Variants in CLOCK observed in about 807,000 individuals in gnomAD.
The protein encoded by CLOCK is circadian locomoter output cycles protein kaput.
A neutral mutation model predicts 118.4 loss-of-function variants in CLOCK; 43 were observed. That is an observed-to-expected ratio of 0.36 (90% CI 0.28 to 0.47). CLOCK has a LOEUF of 0.47. CLOCK is among the 20% of genes least tolerant of loss of function. The pLI, the probability that CLOCK is intolerant of heterozygous loss-of-function variation, is 1.00. For synonymous variants in CLOCK, 326 were observed against 339.2 expected (o/e 0.96, Z 0.43); for missense variants, 846 against 999.9 (o/e 0.85, Z 2.08).
chr4:55,530,971 T>C (rs1345896531), intron 1 of CLOCK, among the ~76,000 whole-genome samples: 1 of 151,626 alleles, frequency 6.6e-6, no homozygotes, highest in African/African-American at 2.4e-5. Context: ...GAGTGATATC[T>C]CCAGGAAAAG....
In CLOCK at chr4:55,538,255, C is replaced by T. The variant is rs367560284; in HGVS notation, c.-290+8527G>A. 2.0e-4 allele frequency among the ~76,000 whole-genome samples: 31 copies of T among 152,116 alleles called. No homozygotes were observed. The East Asian group carries it at 3.7e-3, about 18-fold the overall frequency. Reference sequence around the variant, plus strand: ...AAAACTTATCAGGCATGTGAAGAGACGGAACAATACAACCATATGACCAAT... The same window carrying T: ...AAAACTTATCAGGCATGTGAAGAGATGGAACAATACAACCATATGACCAAT... On this transcript the variant is annotated intron_variant, in intron 1 of 22. Coordinates refer to ENST00000513440, the MANE Select transcript of CLOCK (RefSeq NM_004898.4).
In CLOCK at chr4:55,430,759, T is replaced by C. The variant is rs1345104164; in HGVS notation, c.*4656A>G. On this transcript the variant is annotated 3_prime_UTR_variant, in exon 23 of 23. Coordinates refer to ENST00000513440, the MANE Select transcript of CLOCK (RefSeq NM_004898.4). ...CTAGCAATCACTTTTAGATTAGTTC[T>C]GTACATCTACTCACACGGATGCAAT... 3.9e-5 allele frequency: 6 copies of C among 152,220 alleles called. No individual in the cohort carries two copies. Among genetic ancestry groups the C allele is most frequent in the African/African-American group, 1.4e-4 (6 of 41,484 alleles). 9.4% of individuals were successfully genotyped at this position (152,220 alleles called of 1,614,324 possible).
Position 55,478,952 on chromosome 4 carries a change from T to C in CLOCK, c.119A>G (p.Asn40Ser). The change falls in exon 6 of 23, where the codon AAC becomes AGC. Residue 40 changes from asparagine to serine, a missense_variant. Around this residue, in one of 4 missense-constraint regions of CLOCK, gnomAD observed 246 missense variants for 300.2 expected, o/e 0.82. Coordinates refer to ENST00000513440, the MANE Select transcript of CLOCK (RefSeq NM_004898.4). ...ATCTCTACGTTTCTTTTCAGATTTGTTTCTAGATACTCTGATGAAATGAAA... is the reference window on the plus strand; with the variant it reads ...ATCTCTACGTTTCTTTTCAGATTTGCTTCTAGATACTCTGATGAAATGAAA... Reference protein sequence around the residue: ...DKDKAKRVSRNKSEKKRRDQF... With the variant: ...DKDKAKRVSRSKSEKKRRDQF... The C allele has an allele frequency of 6.3e-7, 1 of 1,593,710 alleles. No homozygotes were observed. The highest frequency in any genetic ancestry group is 8.6e-7 in the Non-Finnish European group (1 of 1,166,960).
chr4:55,437,319 A>T (rs1722960785), intron 22 of CLOCK, among the ~76,000 whole-genome samples: 1 of 152,202 alleles, frequency 6.6e-6, no homozygotes, highest in African/African-American at 2.4e-5. Flanking sequence ...CCCAGCCTAG[A>T]TGAAGTGGTC....
chr4:55,441,910 C>T (rs576024419), intron 21 of CLOCK, among the ~76,000 whole-genome samples: 5 of 152,282 alleles, frequency 3.3e-5, no homozygotes, highest in South Asian at 2.1e-4. Context: ...TTCAGAGTTC[C>T]CTTCCTCATC....
At chr4:55,540,884 G>T (rs967858109) in intron 1 of CLOCK, 3 of 152,150 alleles carry the variant, frequency 2.0e-5, no homozygotes, top group Admixed American at 2.0e-4. Context: ...GTACCTGAAT[G>T]TGACCTCTTT....
rs1729037033 is a variant in CLOCK at position 55,509,965 on chromosome 4, A to C, written c.-189T>G. The C allele has an allele frequency of 6.6e-6, 1 of 152,208 alleles. No individual in the cohort carries two copies. Among genetic ancestry groups the C allele is most frequent in the Admixed American group, 6.5e-5 (1 of 15,286 alleles). 9.4% of individuals were successfully genotyped at this position (152,208 alleles called of 1,614,324 possible). ...ATCTAGTGAGACTTGCCAAGTTCTA[A>C]AGATTCATTTAAGAGGACTGTAGAA... On this transcript the variant is annotated 5_prime_UTR_variant, in exon 2 of 23. Transcript: ENST00000513440.
At chr4:55,526,700 G>A (rs531914559) in intron 1 of CLOCK, among the ~76,000 whole-genome samples, 1 of 152,140 alleles carries the variant, frequency 6.6e-6, no homozygotes, top group African/African-American at 2.4e-5. Flanking sequence ...TGTAATCCCA[G>A]CACTTTGGGA....
At chr4:55,450,328 G>T in intron 15 of CLOCK, 96 bp from the exon 16 acceptor site, 2 of 1,487,056 alleles carry the variant, frequency 1.3e-6, no homozygotes, top group South Asian at 1.1e-5. Flanking sequence ...ATCAGTTTTT[G>T]TCTATAACAA....
chr4:55,476,158 C>T lies in CLOCK; in HGVS notation c.257-104G>A, dbSNP rs147293695. On this transcript the variant is annotated intron_variant, in intron 6 of 22. Coordinates refer to ENST00000513440, the MANE Select transcript of CLOCK (RefSeq NM_004898.4). ...TCCCATTCTAATTAAAGATGACAAC[C>T]GTAGGCATTAACATTTATTGGGTAG... The T allele has an allele frequency of 7.2e-5, 56 of 783,150 alleles. No homozygotes were observed. In the African/African-American group the frequency reaches 8.9e-4, roughly 12 times the overall value. 48.5% of individuals were successfully genotyped at this position (783,150 alleles called of 1,614,324 possible). A position where few individuals can be genotyped will look rare whatever the true frequency, so the allele number is the denominator to read the frequency against.
chr4:55,483,012 C>T (rs1259521372), intron 3 of CLOCK, among the ~76,000 whole-genome samples, 184 bp from the exon 4 acceptor site: 1 of 152,040 alleles, frequency 6.6e-6, no homozygotes, highest in East Asian at 1.9e-4. Flanking sequence ...CTTTTCCCCT[C>T]CTAAAAAACA....
At chr4:55,484,712 G>A (rs773877392) in intron 3 of CLOCK, among the ~76,000 whole-genome samples, 14 of 152,160 alleles carry the variant, frequency 9.2e-5, no homozygotes, top group Middle Eastern at 6.8e-3. Context: ...CAGTAAGTAT[G>A]GCTTAATTAT....
At chr4:55,452,884 G>A (rs1296176671) in intron 15 of CLOCK, 170 bp downstream of exon 15, 2 of 525,518 alleles carry the variant, frequency 3.8e-6, no homozygotes, top group Non-Finnish European at 6.7e-6. Context: ...TTAGAGGCAG[G>A]TGAGACTCTA....
intron 1 of CLOCK, among the ~76,000 whole-genome samples, chr4:55,514,351 AC>A (rs1309975323): frequency 1.3e-5 from 2 of 152,058 alleles, no homozygotes; most frequent in East Asian, 1.9e-4. Flanking sequence ...ATGTCCCCTT[AC>A]CTCTTTTGAA....
chr4:55,446,760 T>A (rs1037510630), intron 18 of CLOCK, among the ~76,000 whole-genome samples: 8 of 152,224 alleles, frequency 5.3e-5, no homozygotes, highest in Non-Finnish European at 1.0e-4. Flanking sequence ...CCATGAATTT[T>A]CAGTATATGA....
intron 20 of CLOCK, among the ~76,000 whole-genome samples, 163 bp from the exon 21 acceptor site, chr4:55,442,797 A>G (rs938434840): frequency 3.9e-5 from 6 of 152,098 alleles, no homozygotes; most frequent in Non-Finnish European, 8.8e-5. Flanking sequence ...GACTCGTGGT[A>G]ACTGAGAATG....
At chr4:55,444,109 G>C (rs1156640977) in intron 19 of CLOCK, among the ~76,000 whole-genome samples, 2 of 152,160 alleles carry the variant, frequency 1.3e-5, no homozygotes, top group Non-Finnish European at 2.9e-5. Flanking sequence ...GTTAGAAAAA[G>C]TGTAACTAGT....
chr4:55,525,298 T>G (rs1299707051), intron 1 of CLOCK, among the ~76,000 whole-genome samples: 1 of 152,108 alleles, frequency 6.6e-6, no homozygotes, highest in African/African-American at 2.4e-5. Context: ...CATACCCTGT[T>G]CTTTAGAAAA....
At chr4:55,498,755 G>A (rs1344276934) in intron 2 of CLOCK, among the ~76,000 whole-genome samples, 3 of 152,084 alleles carry the variant, frequency 2.0e-5, no homozygotes, top group East Asian at 1.9e-4. Context: ...TTTGCATCAC[G>A]TAAGTAGGAG....
Sources: allele counts gnomAD v4.1 joint callset (sites outside exome capture counted in the v4.1 genomes callset), GRCh38; gene constraint gnomAD v4.1.1; regional missense constraint gnomAD v4.1.1; transcripts MANE v1.5; gene names NCBI Gene and HGNC (gene_info 2026-07-23, HGNC 2026-07-21).